Variants in NUP98 observed in about 807,000 individuals in gnomAD.
The protein encoded by NUP98 is nuclear pore complex protein Nup98-Nup96.
In NUP98, 26 loss-of-function variants were observed where a neutral mutation model predicts 191.9. The observed-to-expected ratio is 0.14, with a 90% confidence interval of 0.10 to 0.19. The LOEUF (loss-of-function observed/expected upper bound fraction) is 0.19, where lower values mean the gene tolerates loss of function less well. NUP98 is among the 10% of genes least tolerant of loss of function. NUP98 has a pLI of 1.00. For missense variants in NUP98, 1,941 were observed against 2,178.8 expected (o/e 0.89, Z 2.17); for synonymous variants, 808 against 778.4 (o/e 1.04, Z -0.63).
chr11:3,701,220 T>A (rs2134106731), intron 23 of NUP98, among the ~76,000 whole-genome samples: 1 of 151,900 alleles, frequency 6.6e-6, no homozygotes, highest in South Asian at 2.1e-4. Flanking sequence ...GATTCTAAAT[T>A]ACAATGAGCA....
Position 3,700,615 on chromosome 11 carries a change from G to A in NUP98, c.3737C>T (p.Ala1246Val). 6.2e-7 allele frequency: 1 copy of A among 1,607,458 alleles called. No homozygotes were observed. The highest frequency in any genetic ancestry group is 8.5e-7 in the Non-Finnish European group (1 of 1,174,232). ...VKEASGDLPE[A>V]QIVKHWSLTW... ...GAAACATAGTGTGTACTCACTTTGTGCTTCTGGTAAGTCTCCTGATGCTTC... is the reference window on the plus strand; with the variant it reads ...GAAACATAGTGTGTACTCACTTTGTACTTCTGGTAAGTCTCCTGATGCTTC... Residue 1246 changes from alanine to valine, a missense_variant, in exon 24 of 33, where the codon GCA (alanine) becomes GTA (valine). Coordinates refer to ENST00000324932, the MANE Select transcript of NUP98 (RefSeq NM_016320.5).
chr11:3,737,505 T>C (rs986550373), intron 12 of NUP98, among the ~76,000 whole-genome samples: 4 of 152,036 alleles, frequency 2.6e-5, no homozygotes, highest in African/African-American at 9.7e-5. Flanking sequence ...TGGGCACCTG[T>C]AGTCCCAGCT....
intron 16 of NUP98, among the ~76,000 whole-genome samples, chr11:3,721,763 A>T (rs937531949): frequency 6.6e-6 from 1 of 152,108 alleles, no homozygotes; most frequent in African/African-American, 2.4e-5. Context: ...AGAAAAAAAA[A>T]TACCAAAATA....
rs1205626323 is a variant in NUP98, at chr11:3,797,429, G to A, written c.-58C>T. On this transcript the variant is annotated 5_prime_UTR_variant, in exon 1 of 33. Coordinates refer to ENST00000324932, the MANE Select transcript of NUP98 (RefSeq NM_016320.5). Reference sequence around the variant, plus strand: ...GTTCGGTGGGGAAGGGGAAGTGTCAGGAGTCCCCTGCTGCCACCCGCCGCT... The same window carrying A: ...GTTCGGTGGGGAAGGGGAAGTGTCAAGAGTCCCCTGCTGCCACCCGCCGCT... 4.9e-6 allele frequency: 2 copies of A among 409,466 alleles called. No homozygotes were observed. The highest frequency in any genetic ancestry group is 4.3e-6 in the Non-Finnish European group (1 of 232,382). 25.4% of individuals were successfully genotyped at this position (409,466 alleles called of 1,614,324 possible). A position where few individuals can be genotyped will look rare whatever the true frequency, so the allele number is the denominator to read the frequency against.
At chr11:3,687,784 G>A (rs970339762) in intron 28 of NUP98, among the ~76,000 whole-genome samples, 3 of 152,210 alleles carry the variant, frequency 2.0e-5, no homozygotes, top group African/African-American at 7.2e-5. Context: ...ACTTTAGGCC[G>A]GGTGCGGTGG....
At position 3,763,037 on chromosome 11, in the gene NUP98, T is replaced by C. The variant is rs770102344; in HGVS notation, c.951A>G (p.Gly317=). The change falls in exon 9 of 33, where the codon GGA becomes GGG. Residue 317 remains glycine, a splice_region_variant and synonymous_variant. Transcript: ENST00000324932. ...GTGAGGCTTGGGTTACTCCAAATAATCCCTGCAAAGAAGTTTATATAGATT... is the reference window on the plus strand; with the variant it reads ...GTGAGGCTTGGGTTACTCCAAATAACCCCTGCAAAGAAGTTTATATAGATT... ...TIGQPSTNTM[G]LFGVTQASQP... is the part of the protein sequence containing the mutation. 1.9e-6 allele frequency: 3 copies of C among 1,613,586 alleles called. No individual in the cohort carries two copies. The highest frequency in any genetic ancestry group is 2.5e-6 in the Non-Finnish European group (3 of 1,179,900).
chr11:3,705,538 T>C (rs896045928), intron 21 of NUP98, among the ~76,000 whole-genome samples, 182 bp from the exon 22 acceptor site: 7 of 152,188 alleles, frequency 4.6e-5, no homozygotes, highest in African/African-American at 1.4e-4. Context: ...AGAATTCATA[T>C]AATACTTCTC....
chr11:3,792,401 G>T (rs1050665881), intron 1 of NUP98, among the ~76,000 whole-genome samples: 1 of 152,032 alleles, frequency 6.6e-6, no homozygotes, highest in Non-Finnish European at 1.5e-5. Context: ...CTTGATGTCA[G>T]GAGTTCCAGA....
At chr11:3,763,818 C>T (rs183591460) in intron 8 of NUP98, among the ~76,000 whole-genome samples, 33 of 152,218 alleles carry the variant, frequency 2.2e-4, no homozygotes, top group African/African-American at 7.5e-4. Flanking sequence ...AAAATGCTGG[C>T]GTGAGCCACT....
At chr11:3,745,961 C>T (rs1169232419) in intron 11 of NUP98, among the ~76,000 whole-genome samples, 1 of 152,064 alleles carries the variant, frequency 6.6e-6, no homozygotes, top group African/African-American at 2.4e-5. Context: ...TACTGACTGT[C>T]CAACCTCATT....
Position 3,702,356 on chromosome 11 carries a change from C to G in NUP98, c.3512+107G>C, listed in dbSNP as rs570063425. On this transcript the variant is annotated intron_variant, in intron 23 of 32. Transcript: ENST00000324932. Reference sequence around the variant, plus strand: ...TCTCTCTCTCTCTCTCTCTCTCTCTCTCTCTCTCTCTCTAGAAAGATGACA... The same window carrying G: ...TCTCTCTCTCTCTCTCTCTCTCTCTGTCTCTCTCTCTCTAGAAAGATGACA... The G allele has an allele frequency of 2.3e-4, 133 of 582,290 alleles. 1 individual carries two copies. The African/African-American group carries it at 2.8e-3, about 12-fold the overall frequency. The allele number at this position is 582,290 out of a possible 1,614,324, so 36.1% of individuals were successfully genotyped here. A position where few individuals can be genotyped will look rare whatever the true frequency, so the allele number is the denominator to read the frequency against.
In NUP98 at chr11:3,735,763, G is replaced by C. The variant is rs2080027243; in HGVS notation, c.1409-439C>G. Among the ~76,000 whole-genome samples the C allele has an allele frequency of 1.5e-5, 2 of 135,948 alleles. 1 individual carries two copies. The highest frequency in any genetic ancestry group is 4.4e-4 in the South Asian group (2 of 4,530). 89.2% of individuals were successfully genotyped at this position (135,948 alleles called of 152,430 possible). A position where few individuals can be genotyped will look rare whatever the true frequency, so the allele number is the denominator to read the frequency against. On this transcript the variant is annotated intron_variant, in intron 12 of 32. Transcript: ENST00000324932. The stretch of plus-strand genomic sequence containing the variant: ...CAGGGCAAGTAGTGTGTGTGTGTGT[G>C]TGTGTGTGTGTGTGTGTGTGTGTGT...
intron 9 of NUP98, 61 bp downstream of exon 9, chr11:3,762,841 G>C: frequency 6.3e-7 from 1 of 1,577,592 alleles, no homozygotes; most frequent in South Asian, 1.2e-5. Context: ...ATCCTTAGAA[G>C]AAAATTCCTT....
rs762365890 is a variant in NUP98, at chr11:3,676,173, C to A, written c.5389G>T (p.Val1797Phe). The A allele has an allele frequency of 5.6e-6, 9 of 1,614,022 alleles. No individual in the cohort carries two copies. The highest frequency in any genetic ancestry group is 1.7e-5 in the Admixed American group (1 of 60,026). ...GTGCCTGGGGCTCACAGGCTCCCAA[C>A]AGCCAGTTCTCGCAGATAGGACTGG... Reference protein sequence around the residue: ...LTQSYLRELAVGSL With the variant: ...LTQSYLRELAFGSL Residue 1797 changes from valine to phenylalanine, a missense_variant, in exon 33 of 33, where the codon GTT becomes TTT. This residue lies in a region of NUP98 where 1,030 missense variants were observed against 1,115.8 expected (regional missense o/e 0.92). Coordinates refer to ENST00000324932, the MANE Select transcript of NUP98 (RefSeq NM_016320.5).
intron 11 of NUP98, among the ~76,000 whole-genome samples, chr11:3,749,734 C>A (rs1478949637): frequency 2.0e-5 from 3 of 150,092 alleles, no homozygotes; most frequent in Non-Finnish European, 1.5e-5. Context: ...ACTTAAATGG[C>A]AAATAAAAAA....
In NUP98 at chr11:3,780,541, CAAAAAAAAAAAA is replaced by C. The variant is rs142060672; in HGVS notation, c.77-1296_77-1285del. ...TGGGTGACAGAGCGAGACTCCATCT[CAAAAAAAAAAAA>C]AAAAAAAAAGAAAAAGAAAAAGAAA... is the stretch of plus-strand genomic sequence containing the variant. On this transcript the variant is annotated intron_variant, in intron 2 of 32. Coordinates refer to ENST00000324932, the MANE Select transcript of NUP98 (RefSeq NM_016320.5). Among the ~76,000 whole-genome samples the C allele has an allele frequency of 1.1e-4, 8 of 74,824 alleles. No homozygotes were observed. In the East Asian group the frequency reaches 1.8e-3, roughly 17 times the overall value. 49.1% of individuals were successfully genotyped at this position (74,824 alleles called of 152,430 possible). A position where few individuals can be genotyped will look rare whatever the true frequency, so the allele number is the denominator to read the frequency against.
intron 1 of NUP98, 145 bp from the exon 2 acceptor site, chr11:3,782,290 T>C: frequency 2.0e-6 from 1 of 503,076 alleles, no homozygotes; most frequent in Non-Finnish European, 3.5e-6. Flanking sequence ...TATGATAAAA[T>C]AAACCTTGTA....
chr11:3,727,036 T>C (rs757453336), intron 14 of NUP98, among the ~76,000 whole-genome samples: 1 of 152,182 alleles, frequency 6.6e-6, no homozygotes, highest in Non-Finnish European at 1.5e-5. Context: ...GTGCTGAGAT[T>C]ACAGATGTGA....
At chr11:3,787,013 A>G (rs899207532) in intron 1 of NUP98, among the ~76,000 whole-genome samples, 3 of 152,254 alleles carry the variant, frequency 2.0e-5, no homozygotes, top group African/African-American at 7.2e-5. Flanking sequence ...CCTACTTTAC[A>G]AAGCATTTTT....
Sources: gnomAD v4.1 joint callset for allele counts (sites outside exome capture counted in the v4.1 genomes callset) on GRCh38, gnomAD v4.1.1 for gene constraint, gnomAD v4.1.1 regional missense constraint, MANE v1.5 for transcripts, NCBI Gene and HGNC (gene_info 2026-07-23, HGNC 2026-07-21) for gene names.